The following SEZ6L variants were observed in gnomAD, a reference collection of about 807,000 sequenced individuals.
The protein encoded by SEZ6L is seizure related 6 homolog like, also known as seizure 6-like protein.
A neutral mutation model predicts 106.2 loss-of-function variants in SEZ6L; 37 were observed. The ratio of observed to expected loss-of-function variants is 0.35; its 90% CI spans 0.27 to 0.46. The LOEUF (loss-of-function observed/expected upper bound fraction) is 0.46, where lower values mean the gene tolerates loss of function less well. Ranked by LOEUF, SEZ6L falls within the 20% of genes least tolerant of loss-of-function variation. The pLI is 1.00. For synonymous variants in SEZ6L, 541 were observed against 570.4 expected (o/e 0.95, Z 0.73); for missense variants, 1,172 against 1,332.8 (o/e 0.88, Z 1.88).
chr22:26,376,993 TC>T (rs1357079955), intron 15 of SEZ6L, among the ~76,000 whole-genome samples: 2 of 151,576 alleles, frequency 1.3e-5, no homozygotes, highest in African/African-American at 2.4e-5. Flanking sequence ...AAATAGATGG[TC>T]AGGGGCCAGG....
chr22:26,307,816 A>G (rs938421155), intron 6 of SEZ6L, among the ~76,000 whole-genome samples: 1 of 152,180 alleles, frequency 6.6e-6, no homozygotes, highest in Non-Finnish European at 1.5e-5. Context: ...ATACTAGACA[A>G]CAAGAATTAG....
chr22:26,293,283 C>T, intron 2 of SEZ6L, 137 bp downstream of exon 2: 1 of 1,269,844 alleles, frequency 7.9e-7, no homozygotes, highest in Non-Finnish European at 1.0e-6. Flanking sequence ...TGACTATGAG[C>T]TTCGCCCTGT....
intron 5 of SEZ6L, among the ~76,000 whole-genome samples, chr22:26,305,141 C>T (rs768873629): frequency 6.6e-6 from 1 of 152,172 alleles, no homozygotes; most frequent in African/African-American, 2.4e-5. Flanking sequence ...GCCATATATA[C>T]ACTCTGTTGT....
At chr22:26,262,237 A>C (rs540355826) in intron 1 of SEZ6L, among the ~76,000 whole-genome samples, 152 of 66,602 alleles carry the variant, frequency 2.3e-3, no homozygotes, top group African/African-American at 8.0e-3. Flanking sequence ...TTATATATTG[A>C]TATATTTTAT....
intron 1 of SEZ6L, among the ~76,000 whole-genome samples, chr22:26,209,596 A>G (rs182400367): frequency 7.7e-4 from 116 of 151,128 alleles, no homozygotes; most frequent in African/African-American, 2.7e-3. Flanking sequence ...GATGGTAGGA[A>G]AAAAGGAAAG....
chr22:26,285,538 C>T (rs553617820), intron 1 of SEZ6L, among the ~76,000 whole-genome samples: 1 of 152,330 alleles, frequency 6.6e-6, no homozygotes, highest in South Asian at 2.1e-4. Flanking sequence ...ACCCAGGAAA[C>T]ATCTGGCAGT....
At chr22:26,282,961 C>A (rs2080820010) in intron 1 of SEZ6L, among the ~76,000 whole-genome samples, 1 of 152,072 alleles carries the variant, frequency 6.6e-6, no homozygotes, top group African/African-American at 2.4e-5. Context: ...CTCCCTGTCG[C>A]CCAGGCTGGA....
intron 1 of SEZ6L, among the ~76,000 whole-genome samples, chr22:26,243,979 A>G (rs1047825926): frequency 3.9e-5 from 6 of 152,100 alleles, no homozygotes; most frequent in African/African-American, 1.4e-4. Flanking sequence ...CCTGGGCAAC[A>G]TTGTGAAACC....
chr22:26,252,406 G>GTA (rs992337896), intron 1 of SEZ6L, among the ~76,000 whole-genome samples: 1 of 152,256 alleles, frequency 6.6e-6, no homozygotes, highest in East Asian at 1.9e-4. Flanking sequence ...AAACATGTGT[G>GTA]TATATATATA....
At chr22:26,314,079 C>T (rs939479266) in intron 9 of SEZ6L, among the ~76,000 whole-genome samples, 177 bp downstream of exon 9, 3 of 139,124 alleles carry the variant, frequency 2.2e-5, no homozygotes, top group Admixed American at 6.9e-5. Context: ...AATACACACA[C>T]ACACACACAC....
intron 1 of SEZ6L, among the ~76,000 whole-genome samples, chr22:26,254,789 G>T (rs1282547311): frequency 6.6e-6 from 1 of 152,146 alleles, no homozygotes; most frequent in Non-Finnish European, 1.5e-5. Flanking sequence ...AGTGTCAGGG[G>T]TCTTAATGAG....
chr22:26,328,355 T>A (rs1367644649), intron 9 of SEZ6L, among the ~76,000 whole-genome samples: 1 of 152,178 alleles, frequency 6.6e-6, no homozygotes, highest in African/African-American at 2.4e-5. Context: ...ATTCCTGGCA[T>A]TAATTGTTAT....
intron 1 of SEZ6L, among the ~76,000 whole-genome samples, chr22:26,286,602 C>A (rs2080939906): frequency 6.6e-6 from 1 of 152,202 alleles, no homozygotes. Context: ...GCAGTAGCAT[C>A]TCCCAGCTCT....
intron 9 of SEZ6L, among the ~76,000 whole-genome samples, chr22:26,318,365 C>T (rs997668654): frequency 6.6e-6 from 1 of 151,474 alleles, no homozygotes; most frequent in African/African-American, 2.4e-5. Flanking sequence ...TGAGCCACTG[C>T]CCCGGGCCAT....
chr22:26,301,466 G>A (rs2081452528), intron 5 of SEZ6L, among the ~76,000 whole-genome samples: 1 of 152,204 alleles, frequency 6.6e-6, no homozygotes. Flanking sequence ...ATGTAAATGA[G>A]TAAACAAGGA....
At chr22:26,314,576 CT>C (rs2081945170) in intron 9 of SEZ6L, among the ~76,000 whole-genome samples, 2 of 151,526 alleles carry the variant, frequency 1.3e-5, no homozygotes, top group South Asian at 4.2e-4. Flanking sequence ...ACAGTAGATG[CT>C]CAGGAAATGA....
intron 10 of SEZ6L, among the ~76,000 whole-genome samples, chr22:26,346,580 C>T (rs1569472313): frequency 6.6e-6 from 1 of 152,182 alleles, no homozygotes; most frequent in Non-Finnish European, 1.5e-5. Flanking sequence ...TGGGGTCTCT[C>T]ATGAGGCTCT....
At chr22:26,334,527 T>A (rs756020036) in intron 9 of SEZ6L, among the ~76,000 whole-genome samples, 1 of 152,184 alleles carries the variant, frequency 6.6e-6, no homozygotes, top group Non-Finnish European at 1.5e-5. Flanking sequence ...TATTCATTGA[T>A]CTGTTGAGGG....
intron 5 of SEZ6L, among the ~76,000 whole-genome samples, chr22:26,302,007 G>A (rs1050729091): frequency 6.6e-6 from 1 of 152,110 alleles, no homozygotes; most frequent in African/African-American, 2.4e-5. Context: ...AATGATTGAG[G>A]ATGGTCAGAG....
Sources: allele counts gnomAD v4.1 joint callset (sites outside exome capture counted in the v4.1 genomes callset), GRCh38; gene constraint gnomAD v4.1.1; transcripts MANE v1.5; gene names NCBI Gene and HGNC (gene_info 2026-07-23, HGNC 2026-07-21).